The following PPP2R2B variants were observed in gnomAD, a reference collection of about 807,000 sequenced individuals.
The protein encoded by PPP2R2B is serine/threonine-protein phosphatase 2A 55 kDa regulatory subunit B beta isoform.
Under a neutral mutation model 46.0 loss-of-function variants are expected in PPP2R2B, and 5 were observed. The ratio of observed to expected loss-of-function variants is 0.11; its 90% CI spans 0.06 to 0.23. The LOEUF (loss-of-function observed/expected upper bound fraction) is 0.23. Ranked by LOEUF, PPP2R2B falls within the 10% of genes least tolerant of loss-of-function variation. The pLI is 1.00. For synonymous variants in PPP2R2B, 215 were observed against 206.7 expected (o/e 1.04, Z -0.34); for missense variants, 367 against 575.0 (o/e 0.64, Z 3.70).
At chr5:146,607,952 G>A (rs1561767181) in intron 7 of PPP2R2B, 1 of 152,172 alleles carries the variant, frequency 6.6e-6, no homozygotes, top group Non-Finnish European at 1.5e-5. Context: ...CTTTGCATAT[G>A]GACATTGAAA....
At chr5:147,043,521 G>A (rs906120281) in intron 1 of PPP2R2B, among the ~76,000 whole-genome samples, 10 of 152,086 alleles carry the variant, frequency 6.6e-5, no homozygotes, top group African/African-American at 2.4e-4. Flanking sequence ...CTCCAGAACT[G>A]TGAGAAAATA....
rs148734049 is a variant in PPP2R2B, at chr5:147,009,493, T to C, written c.79+46172A>G. Among the ~76,000 whole-genome samples, 229 of 152,226 alleles carry C rather than the reference T, an allele frequency of 1.5e-3. 4 individuals are homozygous for C. In the East Asian group the frequency reaches 0.02, roughly 13 times the overall value. On this transcript the variant is annotated intron_variant, in intron 1 of 8. Coordinates refer to the PPP2R2B transcript ENST00000336640. ...GAAATTCTAATACTTAATCTAGAACTTGACATGTTGTATACAGTTTTAAAA... is the reference window on the plus strand; with the variant it reads ...GAAATTCTAATACTTAATCTAGAACCTGACATGTTGTATACAGTTTTAAAA...
intron 2 of PPP2R2B, among the ~76,000 whole-genome samples, chr5:146,722,511 CTG>C (rs1780869665): frequency 6.6e-6 from 1 of 152,184 alleles, no homozygotes; most frequent in Non-Finnish European, 1.5e-5. Flanking sequence ...CATAGCCTGG[CTG>C]CTTTGCACAG....
intron 2 of PPP2R2B, among the ~76,000 whole-genome samples, chr5:146,858,255 A>G (rs1475857269): frequency 6.6e-6 from 1 of 152,140 alleles, no homozygotes; most frequent in African/African-American, 2.4e-5. Flanking sequence ...CTTTTTTCAT[A>G]TAATTCTAAA....
chr5:146,711,503 C>T (rs563444068), intron 2 of PPP2R2B, among the ~76,000 whole-genome samples: 1 of 152,216 alleles, frequency 6.6e-6, no homozygotes, highest in Non-Finnish European at 1.5e-5. Context: ...TAGATCTTGT[C>T]CTAAAAAGCC....
chr5:146,742,896 G>A lies in PPP2R2B; in HGVS notation c.71-41754C>T, dbSNP rs74617542. On this transcript the variant is annotated intron_variant, in intron 2 of 9. Coordinates refer to ENST00000394411, the MANE Select transcript of PPP2R2B (RefSeq NM_181675.4). Reference sequence around the variant, plus strand: ...ATGAAGGCGAAGGCAGAGATGGGGTGATGCATCTGCAAGCCAAGGACTGCC... The same window carrying A: ...ATGAAGGCGAAGGCAGAGATGGGGTAATGCATCTGCAAGCCAAGGACTGCC... Among the ~76,000 whole-genome samples the A allele has an allele frequency of 2.3e-4, 35 of 152,276 alleles. No homozygotes were observed. The East Asian group carries it at 5.8e-3, about 25-fold the overall frequency.
At chr5:146,916,280 A>G (rs1582418968) in intron 1 of PPP2R2B, among the ~76,000 whole-genome samples, 2 of 141,870 alleles carry the variant, frequency 1.4e-5, no homozygotes, top group African/African-American at 5.5e-5. Context: ...AATTCTAACC[A>G]CATGTTACCA....
intron 2 of PPP2R2B, among the ~76,000 whole-genome samples, chr5:146,873,258 A>G (rs763888813): frequency 6.6e-6 from 1 of 151,948 alleles, no homozygotes; most frequent in Non-Finnish European, 1.5e-5. Flanking sequence ...AATCCATCTA[A>G]TTCTCTCCAT....
At chr5:146,910,444 G>A (rs1276881363) in intron 1 of PPP2R2B, among the ~76,000 whole-genome samples, 1 of 152,270 alleles carries the variant, frequency 6.6e-6, no homozygotes, top group African/African-American at 2.4e-5. Flanking sequence ...GGTTGGGAGA[G>A]CACATGTACA....
intron 1 of PPP2R2B, among the ~76,000 whole-genome samples, chr5:146,941,494 A>C (rs1476235345): frequency 6.6e-6 from 1 of 152,150 alleles, no homozygotes; most frequent in Non-Finnish European, 1.5e-5. Flanking sequence ...GCCCTTGAAA[A>C]ATGATGCTTC....
At chr5:146,799,718 A>G (rs1756753052) in intron 2 of PPP2R2B, among the ~76,000 whole-genome samples, 1 of 152,242 alleles carries the variant, frequency 6.6e-6, no homozygotes, top group Non-Finnish European at 1.5e-5. Flanking sequence ...TCTGCTAATG[A>G]CTATGATTGT....
At chr5:146,662,548 ACAAGATGCTGG>A (rs1776733852) in intron 5 of PPP2R2B, among the ~76,000 whole-genome samples, 1 of 152,116 alleles carries the variant, frequency 6.6e-6, no homozygotes, top group Non-Finnish European at 1.5e-5. Context: ...GAAGACTCTC[ACAAGATGCTGG>A]CACCTTGATA....
At chr5:146,831,853 TG>T (rs1758962132) in intron 2 of PPP2R2B, among the ~76,000 whole-genome samples, 1 of 152,192 alleles carries the variant, frequency 6.6e-6, no homozygotes, top group Admixed American at 6.5e-5. Context: ...AGGAAGGCAT[TG>T]TTATTTTAGG....
chr5:146,667,337 C>CAG (rs1320239278), intron 5 of PPP2R2B, among the ~76,000 whole-genome samples: 1 of 65,520 alleles, frequency 1.5e-5, no homozygotes, highest in Non-Finnish European at 2.8e-5. Context: ...CGCGCGCACA[C>CAG]ACACACACAC....
At chr5:146,995,789 A>G (rs901114154) in intron 1 of PPP2R2B, among the ~76,000 whole-genome samples, 23 of 152,326 alleles carry the variant, frequency 1.5e-4, no homozygotes, top group African/African-American at 5.1e-4. Flanking sequence ...AATCATGAGC[A>G]AAACACAAGG....
intron 2 of PPP2R2B, among the ~76,000 whole-genome samples, chr5:146,855,393 T>C (rs1760596312): frequency 6.6e-6 from 1 of 152,172 alleles, no homozygotes; most frequent in East Asian, 1.9e-4. Context: ...TAACATTGCA[T>C]AGTTCCCTTA....
At chr5:146,729,861 G>A (rs528936095) in intron 2 of PPP2R2B, among the ~76,000 whole-genome samples, 25 of 152,358 alleles carry the variant, frequency 1.6e-4, no homozygotes, top group African/African-American at 5.1e-4. Flanking sequence ...GGCCCTCATG[G>A]AGAACCTCTG....
At chr5:146,919,468 T>G (rs1258162300) in intron 1 of PPP2R2B, 1 of 152,204 alleles carries the variant, frequency 6.6e-6, no homozygotes, top group Non-Finnish European at 1.5e-5. Context: ...CAGCTGTTAG[T>G]CCTTCCCACA....
intron 1 of PPP2R2B, among the ~76,000 whole-genome samples, chr5:146,903,232 T>A (rs1322903876): frequency 6.6e-6 from 1 of 152,220 alleles, no homozygotes; most frequent in African/African-American, 2.4e-5. Flanking sequence ...TAATAAATAA[T>A]TTAACTGTCA....
Sources: allele counts gnomAD v4.1 joint callset (sites outside exome capture counted in the v4.1 genomes callset), GRCh38; gene constraint gnomAD v4.1.1; transcripts MANE v1.5; gene names NCBI Gene and HGNC (gene_info 2026-07-23, HGNC 2026-07-21).